Variants in ASIC2 observed in about 807,000 individuals in gnomAD.
ASIC2 encodes acid sensing ion channel subunit 2.
A neutral mutation model predicts 57.3 loss-of-function variants in ASIC2; 25 were observed. That is an observed-to-expected ratio of 0.44 (90% CI 0.32 to 0.61). ASIC2 has a LOEUF of 0.61. ASIC2 is among the 20% of genes least tolerant of loss of function. ASIC2 has a pLI of 0.06. For missense variants in ASIC2, 641 were observed against 738.1 expected (o/e 0.87, Z 1.52); for synonymous variants, 319 against 307.5 (o/e 1.04, Z -0.39).
chr17:34,135,919 T>G (rs895978078), intron 1 of ASIC2, among the ~76,000 whole-genome samples: 32 of 152,164 alleles, frequency 2.1e-4, no homozygotes, highest in Non-Finnish European at 4.7e-4. Flanking sequence ...TCATTGAGAA[T>G]GCTCAATAGC....
rs536779390 is a variant in ASIC2, at chr17:33,880,799, T to C, written c.555+275179A>G. 2.2e-4 allele frequency among the ~76,000 whole-genome samples: 34 copies of C among 152,000 alleles called. 1 individual carries two copies. Among genetic ancestry groups the C allele is most frequent in the African/African-American group, 7.5e-4 (31 of 41,460 alleles). ...TCCTGATACCAAAGCCTGGCAGAGATACAACAAAAAAAGAGAATTTTAGAC... is the reference window on the plus strand; with the variant it reads ...TCCTGATACCAAAGCCTGGCAGAGACACAACAAAAAAAGAGAATTTTAGAC... On this transcript the variant is annotated intron_variant, in intron 1 of 9. Coordinates refer to the ASIC2 transcript ENST00000359872.
chr17:34,041,852 C>T (rs2142046471), intron 1 of ASIC2, among the ~76,000 whole-genome samples: 1 of 152,286 alleles, frequency 6.6e-6, no homozygotes, highest in Middle Eastern at 3.4e-3. Flanking sequence ...AATATTCCTC[C>T]CTCTGATCCA....
chr17:33,717,679 A>G (rs556746433), intron 1 of ASIC2, among the ~76,000 whole-genome samples: 11 of 152,118 alleles, frequency 7.2e-5, no homozygotes, highest in South Asian at 2.1e-4. Context: ...CTAAGAGAGA[A>G]GAGCCACCCC....
chr17:33,292,470 C>T lies in ASIC2; in HGVS notation c.-355G>A. 1 of 985,664 alleles carries T rather than the reference C, an allele frequency of 1.0e-6. No homozygotes were observed. Among genetic ancestry groups the T allele is most frequent in the Non-Finnish European group, 1.2e-6 (1 of 830,190 alleles). The allele number at this position is 985,664 out of a possible 1,614,324, so 61.1% of individuals were successfully genotyped here. On this transcript the variant is annotated 5_prime_UTR_variant, in exon 1 of 10. Coordinates refer to ENST00000225823, the MANE Select transcript of ASIC2 (RefSeq NM_183377.2). ...GAGCCGCCTCTCCAGTCCCTGGGTG[C>T]TGCGCCCGCCTTCCCTCGTCCTGGA...
chr17:33,787,530 C>T (rs1911642059), intron 1 of ASIC2, among the ~76,000 whole-genome samples: 1 of 152,166 alleles, frequency 6.6e-6, no homozygotes, highest in Admixed American at 6.5e-5. Flanking sequence ...GAAGAAAATA[C>T]ATATTTTTGA....
intron 1 of ASIC2, among the ~76,000 whole-genome samples, chr17:33,964,975 C>T (rs1227631536): frequency 6.6e-6 from 1 of 152,186 alleles, no homozygotes; most frequent in Non-Finnish European, 1.5e-5. Context: ...CGGACCTCAT[C>T]CCTACACTGG....
chr17:33,920,512 A>T (rs191393197), intron 1 of ASIC2, among the ~76,000 whole-genome samples: 1 of 152,298 alleles, frequency 6.6e-6, no homozygotes, highest in East Asian at 1.9e-4. Flanking sequence ...CATTGGGTAC[A>T]TATGGATACA....
chr17:33,623,482 T>G (rs1463843446), intron 1 of ASIC2: 1 of 151,724 alleles, frequency 6.6e-6, no homozygotes, highest in Non-Finnish European at 1.5e-5. Flanking sequence ...TTGGCCAGGA[T>G]GGTCCTGAAA....
intron 1 of ASIC2, among the ~76,000 whole-genome samples, chr17:33,715,482 G>A (rs1476618894): frequency 1.3e-5 from 2 of 152,150 alleles, no homozygotes; most frequent in East Asian, 3.9e-4. Flanking sequence ...GAGCTGTGTG[G>A]AGCAAAGCAC....
chr17:34,131,997 G>A (rs951296680), intron 1 of ASIC2, among the ~76,000 whole-genome samples: 2 of 152,168 alleles, frequency 1.3e-5, no homozygotes, highest in East Asian at 1.9e-4. Flanking sequence ...TGTAGGTGCT[G>A]TCCTGGAATT....
intron 1 of ASIC2, among the ~76,000 whole-genome samples, chr17:33,613,953 G>T (rs1039096183): frequency 6.6e-6 from 1 of 152,084 alleles, no homozygotes; most frequent in Non-Finnish European, 1.5e-5. Context: ...GAATATTCCT[G>T]TACCTATATT....
At chr17:33,077,940 C>A (rs921666680) in intron 3 of ASIC2, among the ~76,000 whole-genome samples, 9 of 152,076 alleles carry the variant, frequency 5.9e-5, no homozygotes, top group Non-Finnish European at 1.3e-4. Context: ...GATGCAACAG[C>A]TTTTGGCCTA....
chr17:33,067,585 C>A (rs557581384), intron 3 of ASIC2, among the ~76,000 whole-genome samples: 96 of 152,258 alleles, frequency 6.3e-4, no homozygotes, highest in Admixed American at 7.8e-4. Context: ...CAAGAAACCA[C>A]ACTTTATTCT....
chr17:33,179,610 C>A (rs954057635), intron 1 of ASIC2, among the ~76,000 whole-genome samples: 5 of 152,324 alleles, frequency 3.3e-5, no homozygotes, highest in African/African-American at 1.2e-4. Context: ...AGAGACTGGG[C>A]TATATCCTAC....
At chr17:33,286,286 A>C (rs1207515053) in intron 1 of ASIC2, among the ~76,000 whole-genome samples, 3 of 152,228 alleles carry the variant, frequency 2.0e-5, no homozygotes, top group African/African-American at 7.2e-5. Flanking sequence ...TAACTCTTGC[A>C]GAGGGGGTTG....
At chr17:33,799,408 T>TTTCTTTCTTTC (rs1912034147) in intron 1 of ASIC2, among the ~76,000 whole-genome samples, 27 of 63,110 alleles carry the variant, frequency 4.3e-4, no homozygotes, top group Non-Finnish European at 5.9e-4. Context: ...CTTTCTTTTC[T>TTTCTTTCTTTC]TTCTTTCTTT....
chr17:34,116,139 C>T (rs1299254223), intron 1 of ASIC2, among the ~76,000 whole-genome samples: 2 of 152,164 alleles, frequency 1.3e-5, no homozygotes, highest in African/African-American at 4.8e-5. Context: ...TCCTGCAGTC[C>T]CTTTTCTGAG....
At chr17:33,428,444 G>T (rs1343964268) in intron 1 of ASIC2, among the ~76,000 whole-genome samples, 1 of 152,148 alleles carries the variant, frequency 6.6e-6, no homozygotes, top group Non-Finnish European at 1.5e-5. Flanking sequence ...AATTTCCAGG[G>T]CTAAAACTTG....
At chr17:33,725,660 C>T (rs1350167064) in intron 1 of ASIC2, among the ~76,000 whole-genome samples, 1 of 152,036 alleles carries the variant, frequency 6.6e-6, no homozygotes, top group African/African-American at 2.4e-5. Context: ...CTTCTCTCTT[C>T]TTACCCCATC....
Sources: allele counts gnomAD v4.1 joint callset (sites outside exome capture counted in the v4.1 genomes callset), GRCh38; gene constraint gnomAD v4.1.1; transcripts MANE v1.5; gene names NCBI Gene and HGNC (gene_info 2026-07-23, HGNC 2026-07-21).